Variants in ANKRD44 observed in about 807,000 individuals in gnomAD.
ANKRD44 encodes the protein serine/threonine-protein phosphatase 6 regulatory ankyrin repeat subunit B.
ANKRD44 carries 35 observed loss-of-function variants against 116.0 expected under a neutral mutation model. The observed-to-expected ratio is 0.30, with a 90% CI of 0.23 to 0.40. The LOEUF (loss-of-function observed/expected upper bound fraction) is 0.40. Ranked by LOEUF, ANKRD44 falls within the 10% of genes least tolerant of loss-of-function variation. The pLI is 1.00. For missense variants in ANKRD44, 1,014 were observed against 1,242.6 expected (o/e 0.82, Z 2.77); for synonymous variants, 435 against 461.8 (o/e 0.94, Z 0.74).
At chr2:197,261,117 A>T (rs1423363957) in intron 1 of ANKRD44, among the ~76,000 whole-genome samples, 1 of 151,328 alleles carries the variant, frequency 6.6e-6, no homozygotes, top group Non-Finnish European at 1.5e-5. Context: ...TTTTGTTGCC[A>T]TTGCTTTTGG....
At chr2:197,296,161 TG>T (rs1477273253) in intron 1 of ANKRD44, 2 of 152,204 alleles carry the variant, frequency 1.3e-5, no homozygotes, top group East Asian at 3.8e-4. Context: ...AAACCAGAGT[TG>T]TTGCAGGAAC....
intron 6 of ANKRD44, among the ~76,000 whole-genome samples, chr2:197,124,928 C>T (rs1479593058): frequency 6.6e-6 from 1 of 151,958 alleles, no homozygotes; most frequent in Non-Finnish European, 1.5e-5. Flanking sequence ...GCCTCTGGTG[C>T]CCTCCATCTA....
chr2:197,033,147 T>C (rs1372366458), intron 16 of ANKRD44, among the ~76,000 whole-genome samples: 1 of 151,956 alleles, frequency 6.6e-6, no homozygotes, highest in African/African-American at 2.4e-5. Context: ...TGAGAGTGAA[T>C]GTCTAATGGG....
intron 1 of ANKRD44, among the ~76,000 whole-genome samples, chr2:197,251,705 A>G (rs902265477): frequency 6.6e-6 from 1 of 152,068 alleles, no homozygotes; most frequent in Admixed American, 6.5e-5. Flanking sequence ...TGATTCACAT[A>G]TTTCAAAACA....
chr2:197,157,674 T>C (rs1365083897), intron 2 of ANKRD44, among the ~76,000 whole-genome samples: 1 of 21,542 alleles, frequency 4.6e-5, no homozygotes, highest in Non-Finnish European at 1.2e-4. Context: ...TGAGACTCTG[T>C]CAAAAAAAAA....
chr2:196,998,455 A>T, intron 24 of ANKRD44, 36 bp from the exon 25 acceptor site: 2 of 1,471,236 alleles, frequency 1.4e-6, no homozygotes, highest in Non-Finnish European at 1.9e-6. Context: ...TACTTAGATG[A>T]GATGCTAATT....
chr2:197,202,635 T>C (rs1438653424), intron 1 of ANKRD44, among the ~76,000 whole-genome samples: 2 of 146,826 alleles, frequency 1.4e-5, no homozygotes, highest in Non-Finnish European at 1.5e-5. Context: ...TGCAGTGGCA[T>C]AACCACAGTT....
chr2:197,211,146 G>T (rs936952198), intron 1 of ANKRD44, among the ~76,000 whole-genome samples: 9 of 152,192 alleles, frequency 5.9e-5, no homozygotes, highest in Non-Finnish European at 1.2e-4. Flanking sequence ...TATTCTGGGA[G>T]ATCACAGGAG....
chr2:197,065,175 A>C (rs2077403651), intron 16 of ANKRD44, among the ~76,000 whole-genome samples: 1 of 152,362 alleles, frequency 6.6e-6, no homozygotes, highest in Non-Finnish European at 1.5e-5. Context: ...AACTACATGG[A>C]AACTGAACAA....
At chr2:197,152,545 C>A (rs80070456) in intron 2 of ANKRD44, among the ~76,000 whole-genome samples, 5,925 of 152,280 alleles carry the variant, frequency 0.039, 144 homozygotes, top group Middle Eastern at 0.075. Context: ...CAGCAGGGGT[C>A]TGAGCTAAAT....
At chr2:197,105,002 C>A (rs1243316111) in intron 9 of ANKRD44, among the ~76,000 whole-genome samples, 1 of 152,130 alleles carries the variant, frequency 6.6e-6, no homozygotes, top group African/African-American at 2.4e-5. Flanking sequence ...AAAAGGGAAT[C>A]CCTTTTTAAC....
chr2:197,071,789 C>T (rs907252621), intron 16 of ANKRD44, among the ~76,000 whole-genome samples: 21 of 152,188 alleles, frequency 1.4e-4, no homozygotes, highest in African/African-American at 4.6e-4. Context: ...GAGAGAGGTG[C>T]TAAAGTCTCC....
At chr2:197,103,423 GA>G (rs2125241369) in intron 9 of ANKRD44, among the ~76,000 whole-genome samples, 1 of 151,986 alleles carries the variant, frequency 6.6e-6, no homozygotes, top group African/African-American at 2.4e-5. Context: ...TTTGTTGACT[GA>G]CTAAATAAAT....
intron 1 of ANKRD44, among the ~76,000 whole-genome samples, chr2:197,226,008 G>A (rs2081703274): frequency 6.6e-6 from 1 of 151,986 alleles, no homozygotes; most frequent in African/African-American, 2.4e-5. Context: ...ACTAAAAACA[G>A]GCTTTTATGG....
At chr2:196,978,779 A>G (rs559025886) in intron 21 of ANKRD44, among the ~76,000 whole-genome samples, 2 of 151,796 alleles carry the variant, frequency 1.3e-5, no homozygotes, top group African/African-American at 4.8e-5. Context: ...TTATATCTCA[A>G]TGGAGCTTTT....
At chr2:197,095,710 C>T (rs1039877033) in intron 10 of ANKRD44, among the ~76,000 whole-genome samples, 3 of 152,166 alleles carry the variant, frequency 2.0e-5, no homozygotes, top group Admixed American at 6.5e-5. Flanking sequence ...GAGCAGGTAA[C>T]TGAACCTCTC....
intron 21 of ANKRD44, among the ~76,000 whole-genome samples, chr2:197,005,304 G>A (rs1284870430): frequency 6.6e-6 from 1 of 152,124 alleles, no homozygotes; most frequent in Non-Finnish European, 1.5e-5. Context: ...GCATCTACTA[G>A]TAATCAATTG....
intron 16 of ANKRD44, chr2:197,077,846 T>A (rs760766171): frequency 2.0e-5 from 3 of 152,184 alleles, no homozygotes; most frequent in Non-Finnish European, 4.4e-5. Context: ...CAAATAGTCA[T>A]CTCTTTGTAA....
chr2:197,039,306 A>G (rs1270957661), intron 16 of ANKRD44, among the ~76,000 whole-genome samples: 2 of 152,360 alleles, frequency 1.3e-5, no homozygotes, highest in African/African-American at 4.8e-5. Context: ...AGAAGCACCA[A>G]CTTCAGATAC....
Sources: allele counts gnomAD v4.1 joint callset (sites outside exome capture counted in the v4.1 genomes callset), GRCh38; gene constraint gnomAD v4.1.1; transcripts MANE v1.5; gene names NCBI Gene and HGNC (gene_info 2026-07-23, HGNC 2026-07-21).